Variants in FRYL observed in about 807,000 individuals in gnomAD.
The protein encoded by FRYL is FRY like transcription coactivator.
Under a neutral mutation model 351.2 loss-of-function variants are expected in FRYL, and 150 were observed. The ratio of observed to expected loss-of-function variants is 0.43; its 90% CI spans 0.37 to 0.49. The LOEUF (loss-of-function observed/expected upper bound fraction) is 0.49. FRYL is among the 20% of genes least tolerant of loss of function. FRYL has a pLI of 0.00. For missense variants in FRYL, 3,036 were observed against 3,619.3 expected (o/e 0.84, Z 4.13); for synonymous variants, 1,153 against 1,257.1 (o/e 0.92, Z 1.75).
chr4:48,582,335 C>T (rs1247384031), intron 20 of FRYL, among the ~76,000 whole-genome samples, 162 bp downstream of exon 20: 2 of 152,144 alleles, frequency 1.3e-5, no homozygotes, highest in Non-Finnish European at 2.9e-5. Flanking sequence ...ATATTCACTA[C>T]AGGAACTATG....
At chr4:48,757,433 C>T (rs949036816) in intron 1 of FRYL, among the ~76,000 whole-genome samples, 68 of 152,240 alleles carry the variant, frequency 4.5e-4, no homozygotes, top group African/African-American at 5.1e-4. Context: ...ACAAGCATTC[C>T]TATACACCAA....
At chr4:48,703,288 C>T (rs1560881837) in intron 2 of FRYL, among the ~76,000 whole-genome samples, 1 of 152,072 alleles carries the variant, frequency 6.6e-6, no homozygotes, top group Non-Finnish European at 1.5e-5. Context: ...AGGGAATGAA[C>T]AAAATCCTGA....
intron 3 of FRYL, among the ~76,000 whole-genome samples, chr4:48,678,880 C>T (rs1214672208): frequency 6.6e-6 from 1 of 151,820 alleles, no homozygotes; most frequent in African/African-American, 2.4e-5. Flanking sequence ...CAAATTAATA[C>T]AAATTATAAA....
At chr4:48,723,193 A>G (rs1769684240) in intron 1 of FRYL, among the ~76,000 whole-genome samples, 1 of 152,062 alleles carries the variant, frequency 6.6e-6, no homozygotes, top group Admixed American at 6.6e-5. Flanking sequence ...CCCAGGCTGG[A>G]GTGCAGTGGT....
rs568445449 is a variant in FRYL, at chr4:48,678,832, A to G, written c.-81+5841T>C. On this transcript the variant is annotated intron_variant, in intron 3 of 63. Coordinates refer to ENST00000358350, the MANE Select transcript of FRYL (RefSeq NM_015030.2). ...CTTGACTAGTAAAAACATATATACC[A>G]TAGGAAATTCTTAATCATTAGATTG... Among the ~76,000 whole-genome samples the G allele has an allele frequency of 3.5e-4, 53 of 152,210 alleles. 1 individual carries two copies. The South Asian group carries it at 9.3e-3, about 27-fold the overall frequency.
chr4:48,653,975 T>A (rs1290321978), intron 3 of FRYL: 2 of 1,137,792 alleles, frequency 1.8e-6, no homozygotes, highest in South Asian at 1.7e-5. Context: ...ACAACTATAG[T>A]GGAAATGCCG....
intron 35 of FRYL, among the ~76,000 whole-genome samples, chr4:48,556,146 C>T (rs572767206): frequency 2.6e-5 from 4 of 152,184 alleles, no homozygotes; most frequent in African/African-American, 9.7e-5. Flanking sequence ...CCGCCTGCCT[C>T]GGCCTCCCAA....
chr4:48,570,763 G>A (rs1738124282), intron 27 of FRYL, 64 bp downstream of exon 27: 2 of 1,189,622 alleles, frequency 1.7e-6, no homozygotes, highest in Non-Finnish European at 2.5e-6. Context: ...CATTTCATGA[G>A]CGAAAAGAGA....
chr4:48,619,173 G>A (rs1750150818), intron 7 of FRYL, 101 bp downstream of exon 7: 2 of 762,510 alleles, frequency 2.6e-6, no homozygotes, highest in Non-Finnish European at 4.5e-6. Context: ...TAATTTATGT[G>A]GGCTAAAATT....
rs1490909968 is a variant in FRYL at position 48,659,537 on chromosome 4, AGGG to A, written c.-80-25050_-80-25048del. On this transcript the variant is annotated intron_variant, in intron 3 of 63. Transcript: ENST00000358350. ...GAGGGAGAAGAGGGAGAAGGAGAAGAGGGAGAAGGAGAAGAGGGAGAAGGAGAA... is the reference window on the plus strand; with the variant it reads ...GAGGGAGAAGAGGGAGAAGGAGAAGAAGAAGGAGAAGAGGGAGAAGGAGAA... Among the ~76,000 whole-genome samples the A allele has an allele frequency of 4.7e-3, 6 of 1,266 alleles. 1 individual carries two copies. Among genetic ancestry groups the A allele is most frequent in the Admixed American group, 0.019 (1 of 52 alleles). 0.8% of individuals were successfully genotyped at this position (1,266 alleles called of 152,430 possible).
chr4:48,546,245 A>C lies in FRYL; in HGVS notation c.5101T>G (p.Tyr1701Asp), dbSNP rs1237656334. 2 of 1,613,658 alleles carry C rather than the reference A, an allele frequency of 1.2e-6. No homozygotes were observed. The highest frequency in any genetic ancestry group is 1.7e-6 in the Non-Finnish European group (2 of 1,179,704). The change falls in exon 42 of 64, where the codon TAC becomes GAC. Residue 1701 changes from tyrosine (Y) to aspartate (D), a missense_variant. Around this residue, in one of 7 missense-constraint regions of FRYL, gnomAD observed 1,987 missense variants for 2,311.7 expected, o/e 0.86. Transcript: ENST00000358350. ...GAGTCAGTCATAGGGGAGGGCTGGT[A>C]ATCAGGTATAAAATCGTTAATGCCT... ...TAGINDFIPD[Y>D]QPSPMTDSGL...
At chr4:48,586,753 A>G (rs1477257186) in intron 18 of FRYL, 25 bp from the exon 19 acceptor site, 1 of 1,454,562 alleles carries the variant, frequency 6.9e-7, no homozygotes, top group East Asian at 2.3e-5. Flanking sequence ...AGGATTTAAT[A>G]AGAAACATAT....
rs545350835 is a variant in FRYL at position 48,604,460 on chromosome 4, TC to T, written c.835-1073del. Among the ~76,000 whole-genome samples the T allele has an allele frequency of 3.3e-3, 498 of 152,314 alleles. 3 individuals are homozygous for T. The highest frequency in any genetic ancestry group is 5.2e-3 in the Non-Finnish European group (352 of 68,030). On this transcript the variant is annotated intron_variant, in intron 11 of 63. Transcript: ENST00000358350. ...TAAGTTAGGATCGGGAAGACCCTAA[TC>T]CACATGACTGGTGTCCTTTTAAAAA...
intron 33 of FRYL, among the ~76,000 whole-genome samples, chr4:48,559,763 G>A (rs966218687): frequency 6.6e-6 from 1 of 151,672 alleles, no homozygotes; most frequent in Non-Finnish European, 1.5e-5. Flanking sequence ...CGGAAGGCAA[G>A]AATCTACCAA....
In FRYL at chr4:48,620,643, T is replaced by C. The variant is rs773293249; in HGVS notation, c.310A>G (p.Lys104Glu). The change falls in exon 6 of 64, where the codon AAG becomes GAG. Residue 104 changes from lysine (K) to glutamate (E), a missense_variant. Physicochemically the swap from Lys to Glu is moderately conservative, Grantham distance 56. Around this residue, in one of 7 missense-constraint regions of FRYL, gnomAD observed 457 missense variants for 566.6 expected, o/e 0.81. Coordinates refer to ENST00000358350, the MANE Select transcript of FRYL (RefSeq NM_015030.2). ...AGTGTAAAATAAAGCACTTACCCCT[T>C]AGACTTTGTGCTAGACCGAGGCCTA... is the stretch of plus-strand genomic sequence containing the variant. ...EYRPRSSTKS[K>E]GDEQQRERDY... 2.5e-6 allele frequency: 4 copies of C among 1,612,570 alleles called. No individual in the cohort carries two copies. Among genetic ancestry groups the C allele is most frequent in the Non-Finnish European group, 2.5e-6 (3 of 1,178,832 alleles).
intron 3 of FRYL, chr4:48,636,783 G>A (rs575158322): frequency 6.6e-6 from 1 of 151,950 alleles, no homozygotes; most frequent in East Asian, 1.9e-4. Flanking sequence ...CTTAGTAGGT[G>A]TTTAATAACT....
At chr4:48,526,741 T>C (rs1726320813) in intron 53 of FRYL, among the ~76,000 whole-genome samples, 1 of 152,202 alleles carries the variant, frequency 6.6e-6, no homozygotes, top group Non-Finnish European at 1.5e-5. Context: ...TGTGGGCTAA[T>C]AAATCTACTT....
intron 28 of FRYL, among the ~76,000 whole-genome samples, 178 bp from the exon 29 acceptor site, chr4:48,565,869 A>G (rs951847593): frequency 6.6e-6 from 1 of 152,190 alleles, no homozygotes; most frequent in Non-Finnish European, 1.5e-5. Context: ...CACAGAAACA[A>G]AGTTGCAGTC....
intron 22 of FRYL, chr4:48,580,627 T>A (rs1740687701): frequency 5.0e-6 from 2 of 398,810 alleles, no homozygotes; most frequent in South Asian, 2.1e-4. Context: ...ATTGGAAGGA[T>A]GAGAATTTTA....
Sources: allele counts gnomAD v4.1 joint callset (sites outside exome capture counted in the v4.1 genomes callset), GRCh38; gene constraint gnomAD v4.1.1; regional missense constraint gnomAD v4.1.1; transcripts MANE v1.5; gene names NCBI Gene and HGNC (gene_info 2026-07-23, HGNC 2026-07-21).